PDE3A: variants seen among roughly 807,000 people sequenced by gnomAD.
The protein encoded by PDE3A is cGMP-inhibited 3',5'-cyclic phosphodiesterase 3A.
PDE3A carries 43 observed loss-of-function variants against 98.3 expected under a neutral mutation model. The ratio of observed to expected loss-of-function variants is 0.44; its 90% CI spans 0.34 to 0.56. PDE3A has a LOEUF of 0.56. Ranked by LOEUF, PDE3A falls within the 20% of genes least tolerant of loss-of-function variation. The pLI is 0.01. For missense variants in PDE3A, 1,427 were observed against 1,440.7 expected (o/e 0.99, Z 0.15); for synonymous variants, 663 against 567.9 (o/e 1.17, Z -2.38).
At chr12:20,565,055 C>CTAT (rs1942621388) in intron 2 of PDE3A, among the ~76,000 whole-genome samples, 1 of 152,006 alleles carries the variant, frequency 6.6e-6, no homozygotes, top group South Asian at 2.1e-4. Context: ...AAAATAATAC[C>CTAT]TATTACTTTA....
intron 1 of PDE3A, among the ~76,000 whole-genome samples, chr12:20,556,246 G>T (rs948872155): frequency 6.6e-6 from 1 of 151,988 alleles, no homozygotes; most frequent in South Asian, 2.1e-4. Context: ...TTTTGAAGGA[G>T]GATTAAAAAT....
At chr12:20,579,780 C>T (rs777709748) in intron 2 of PDE3A, among the ~76,000 whole-genome samples, 5 of 152,124 alleles carry the variant, frequency 3.3e-5, no homozygotes, top group Non-Finnish European at 5.9e-5. Context: ...TTCAGAGTTG[C>T]GCATTAGGTA....
intron 1 of PDE3A, among the ~76,000 whole-genome samples, chr12:20,503,543 G>A (rs1276494957): frequency 1.3e-5 from 2 of 152,014 alleles, no homozygotes; most frequent in East Asian, 3.8e-4. Context: ...TATGGGTAAT[G>A]TCCTAGACAT....
At chr12:20,490,166 T>TC (rs1286641373) in intron 1 of PDE3A, among the ~76,000 whole-genome samples, 1 of 152,200 alleles carries the variant, frequency 6.6e-6, no homozygotes, top group Non-Finnish European at 1.5e-5. Context: ...TATGATTTTT[T>TC]CCCCTGAATG....
intron 1 of PDE3A, among the ~76,000 whole-genome samples, chr12:20,428,497 G>A (rs1944639864): frequency 6.6e-6 from 1 of 151,948 alleles, no homozygotes; most frequent in Admixed American, 6.6e-5. Context: ...TTGCCAGGAT[G>A]GTCTCAATCT....
chr12:20,475,178 A>T (rs10841545), intron 1 of PDE3A, among the ~76,000 whole-genome samples: 6,985 of 92,332 alleles, frequency 0.076, 378 homozygotes, highest in Middle Eastern at 0.16. Context: ...AATGTGTGTG[A>T]GTGTGTGTGT....
chr12:20,438,764 CT>C (rs57996665), intron 1 of PDE3A, among the ~76,000 whole-genome samples: 39,993 of 145,738 alleles, frequency 0.27, 5,434 homozygotes, highest in Admixed American at 0.34. Context: ...AAGATGTTGT[CT>C]TTTTTTTTTT....
chr12:20,552,083 A>G lies in PDE3A; in HGVS notation c.961-4577A>G. Reference sequence around the variant, plus strand: ...ACATACACGGGTAGTGGTGGTCGAGAGCTTTCCGGCAACAAGAGGACCGCG... The same window carrying G: ...ACATACACGGGTAGTGGTGGTCGAGGGCTTTCCGGCAACAAGAGGACCGCG... On this transcript the variant is annotated intron_variant, in intron 1 of 15. Transcript: ENST00000359062. This position sits in a 1 kb window ranked among gnomAD's most constrained non-coding sequence, Gnocchi z 5.1. 9 of 1,612,632 alleles carry G rather than the reference A, an allele frequency of 5.6e-6. No homozygotes were observed. The highest frequency in any genetic ancestry group is 7.6e-6 in the Non-Finnish European group (9 of 1,179,882).
chr12:20,429,730 A>T (rs1342383814), intron 1 of PDE3A, among the ~76,000 whole-genome samples: 1 of 152,208 alleles, frequency 6.6e-6, no homozygotes, highest in Non-Finnish European at 1.5e-5. Flanking sequence ...GATTTGGACA[A>T]TAGAAAAAGT....
Position 20,552,512 on chromosome 12 carries a change from A to T in PDE3A, c.961-4148A>T, listed in dbSNP as rs1352368709. ...CGAGAGAAGGAGAACAGCAAGAGGG[A>T]GGAGGAGGAGCAGCAGGAGGGGGGC... On this transcript the variant is annotated intron_variant, in intron 1 of 15. Transcript: ENST00000359062. This position sits in a 1 kb window ranked among gnomAD's most constrained non-coding sequence, Gnocchi z 5.1. The T allele has an allele frequency of 6.2e-7, 1 of 1,612,502 alleles. No homozygotes were observed. The highest frequency in any genetic ancestry group is 1.3e-5 in the African/African-American group (1 of 74,792).
chr12:20,461,333 A>AT (rs1392675642), intron 1 of PDE3A, among the ~76,000 whole-genome samples: 1 of 151,932 alleles, frequency 6.6e-6, no homozygotes, highest in African/African-American at 2.4e-5. Context: ...GTACTTATAT[A>AT]AAGTATTACT....
At chr12:20,569,826 G>A (rs907482423) in intron 2 of PDE3A, among the ~76,000 whole-genome samples, 1 of 152,096 alleles carries the variant, frequency 6.6e-6, no homozygotes, top group Non-Finnish European at 1.5e-5. Flanking sequence ...CTGGATTGAC[G>A]TCAAGCCCAA....
chr12:20,497,001 T>C (rs898156997), intron 1 of PDE3A, among the ~76,000 whole-genome samples: 1 of 152,180 alleles, frequency 6.6e-6, no homozygotes, highest in African/African-American at 2.4e-5. Flanking sequence ...CTGTAGTATC[T>C]CAAAGTTTCA....
At chr12:20,499,116 G>A (rs1591991776) in intron 1 of PDE3A, among the ~76,000 whole-genome samples, 1 of 152,156 alleles carries the variant, frequency 6.6e-6, no homozygotes, top group Non-Finnish European at 1.5e-5. Context: ...CAGCAACCCT[G>A]TGACCTTGGA....
At chr12:20,556,826 G>T in intron 2 of PDE3A, 116 bp downstream of exon 2, 1 of 774,772 alleles carries the variant, frequency 1.3e-6, no homozygotes. Context: ...AAATAACCAT[G>T]CCATTTGTTT....
intron 1 of PDE3A, among the ~76,000 whole-genome samples, chr12:20,443,460 T>A (rs1206492182): frequency 1.3e-5 from 2 of 152,182 alleles, no homozygotes; most frequent in East Asian, 1.9e-4. Flanking sequence ...GAATGAATGA[T>A]GACTGTCAGT....
chr12:20,386,285 A>AG (rs1215039086), intron 1 of PDE3A, among the ~76,000 whole-genome samples: 8 of 135,174 alleles, frequency 5.9e-5, no homozygotes, highest in East Asian at 2.0e-4. Flanking sequence ...ATTATAGTAT[A>AG]TTATAGTATA....
chr12:20,517,829 G>T (rs749804949), intron 1 of PDE3A, among the ~76,000 whole-genome samples: 1 of 152,026 alleles, frequency 6.6e-6, no homozygotes, highest in South Asian at 2.1e-4. Context: ...CCAATCTCTC[G>T]CTAACTTGAC....
chr12:20,417,019 G>A (rs1177870611), intron 1 of PDE3A, among the ~76,000 whole-genome samples: 1 of 152,140 alleles, frequency 6.6e-6, no homozygotes. Flanking sequence ...TTTTATGAAT[G>A]ATGGTTGGGA....
Sources: allele counts gnomAD v4.1 joint callset (sites outside exome capture counted in the v4.1 genomes callset), GRCh38; gene constraint gnomAD v4.1.1; non-coding constraint Gnocchi (gnomAD v3.1); transcripts MANE v1.5; gene names NCBI Gene and HGNC (gene_info 2026-07-23, HGNC 2026-07-21).